The following GPHN variants were observed in gnomAD, a reference collection of about 807,000 sequenced individuals.
GPHN encodes gephyrin.
A neutral mutation model predicts 95.5 loss-of-function variants in GPHN; 17 were observed. That is an observed-to-expected ratio of 0.18 (90% CI 0.12 to 0.27). GPHN has a LOEUF of 0.27. Ranked by LOEUF, GPHN falls within the 10% of genes least tolerant of loss-of-function variation. The probability of loss-of-function intolerance (pLI) is 1.00; values close to 1 mark genes in which losing one functional copy is unlikely to be tolerated. For synonymous variants in GPHN, 320 were observed against 322.5 expected, an observed-to-expected ratio of 0.99 and a Z score of 0.08; for missense variants, 660 against 978.1, an observed-to-expected ratio of 0.67 and a Z score of 4.34.
the GPHN span, among the ~76,000 whole-genome samples, chr14:67,505,746 G>C: frequency 6.6e-6 from 1 of 150,712 alleles, no homozygotes; most frequent in African/African-American, 2.4e-5. Context: ...TTGCTCTGTT[G>C]CCCAGGCTGG....
At chr14:67,110,044 GTTTA>G (rs1567344792) in intron 13 of GPHN, 92 bp from the exon 14 acceptor site, 5 of 1,082,766 alleles carry the variant, frequency 4.6e-6, no homozygotes, top group Non-Finnish European at 7.0e-6. Flanking sequence ...TTCTTTTATG[GTTTA>G]TTTTTTAATA....
At chr14:66,651,603 A>G (rs557204764) in intron 1 of GPHN, among the ~76,000 whole-genome samples, 2 of 152,264 alleles carry the variant, frequency 1.3e-5, no homozygotes, top group South Asian at 4.1e-4. Context: ...TTGACTTCAA[A>G]TTATGGTGGC....
the GPHN span, chr14:67,561,957 G>C: frequency 3.1e-6 from 5 of 1,612,182 alleles, no homozygotes; most frequent in South Asian, 5.5e-5. Context: ...TGCTCAGCTT[G>C]AGATGGAGAA....
chr14:66,683,361 T>TGA (rs1332431980), intron 2 of GPHN, among the ~76,000 whole-genome samples: 1 of 84,960 alleles, frequency 1.2e-5, no homozygotes, highest in Non-Finnish European at 2.1e-5. Context: ...TATATATATA[T>TGA]ATATATATAT....
chr14:66,608,409 T>G (rs2062640715), intron 1 of GPHN, among the ~76,000 whole-genome samples: 2 of 152,052 alleles, frequency 1.3e-5, no homozygotes, highest in Admixed American at 6.6e-5. Flanking sequence ...ACCAAAACAT[T>G]TGGTTGATCT....
chr14:66,596,275 A>G (rs982392565), intron 1 of GPHN, among the ~76,000 whole-genome samples: 2 of 152,034 alleles, frequency 1.3e-5, no homozygotes, highest in African/African-American at 4.8e-5. Context: ...AAGCACCAGA[A>G]GTTCTCCCTC....
chr14:67,309,582 T>C, the GPHN span, among the ~76,000 whole-genome samples: 1 of 152,188 alleles, frequency 6.6e-6, no homozygotes, highest in Admixed American at 6.5e-5. Flanking sequence ...AGTTAAGGGA[T>C]GAGAACTGCA....
At chr14:67,323,746 C>T in the GPHN span, 2 of 1,603,580 alleles carry the variant, frequency 1.2e-6, no homozygotes, top group Non-Finnish European at 8.5e-7. Flanking sequence ...CATATATTAT[C>T]TTCATTGCAC....
intron 11 of GPHN, among the ~76,000 whole-genome samples, chr14:67,077,340 A>T (rs1662086189): frequency 6.6e-6 from 1 of 152,188 alleles, no homozygotes; most frequent in South Asian, 2.1e-4. Context: ...TCCCGAGCAC[A>T]TGTAAGGTTA....
At chr14:67,433,555 G>T in the GPHN span, among the ~76,000 whole-genome samples, 1 of 151,922 alleles carries the variant, frequency 6.6e-6, no homozygotes, top group Non-Finnish European at 1.5e-5. Flanking sequence ...CAAATGAGAC[G>T]CATCCTATAA....
chr14:66,560,362 C>T (rs1457977555), intron 1 of GPHN, among the ~76,000 whole-genome samples: 1 of 152,126 alleles, frequency 6.6e-6, no homozygotes, highest in Non-Finnish European at 1.5e-5. Flanking sequence ...TTGATTCTTC[C>T]TACCCATGAG....
chr14:67,051,510 A>G (rs1331518293), intron 10 of GPHN, among the ~76,000 whole-genome samples: 1 of 152,208 alleles, frequency 6.6e-6, no homozygotes, highest in Non-Finnish European at 1.5e-5. Flanking sequence ...GAGATGGGAG[A>G]ATGGAACCAA....
intron 9 of GPHN, among the ~76,000 whole-genome samples, chr14:66,968,465 A>G (rs8016725): frequency 0.16 from 24,379 of 152,082 alleles, 3,787 homozygotes; most frequent in East Asian, 0.45. Flanking sequence ...CAAATCCCAT[A>G]GAAATCCTTT....
At chr14:67,104,219 A>C (rs1697929578) in intron 13 of GPHN, among the ~76,000 whole-genome samples, 1 of 152,180 alleles carries the variant, frequency 6.6e-6, no homozygotes, top group Non-Finnish European at 1.5e-5. Flanking sequence ...AGTAAATCCC[A>C]CTTGATCATG....
chr14:66,862,842 A>T (rs942429104), intron 4 of GPHN, among the ~76,000 whole-genome samples: 4 of 152,150 alleles, frequency 2.6e-5, no homozygotes, highest in Non-Finnish European at 4.4e-5. Flanking sequence ...AATAAGAGCT[A>T]TATGCAGCAG....
At chr14:67,621,674 A>G in the GPHN span, among the ~76,000 whole-genome samples, 788 of 151,526 alleles carry the variant, frequency 5.2e-3, 7 homozygotes, top group African/African-American at 0.019. Flanking sequence ...TGAACTCCTG[A>G]CCTCAGGTGA....
the GPHN span, among the ~76,000 whole-genome samples, chr14:67,233,561 C>T: frequency 2.0e-5 from 3 of 152,304 alleles, no homozygotes; most frequent in East Asian, 5.8e-4. Flanking sequence ...TTAGCACTAC[C>T]TCCTATATCT....
chr14:67,658,910 G>C, the GPHN span, among the ~76,000 whole-genome samples: 2 of 152,188 alleles, frequency 1.3e-5, no homozygotes, highest in Non-Finnish European at 2.9e-5. Flanking sequence ...CGTGAAACAG[G>C]ATTTGTTTAA....
the GPHN span, among the ~76,000 whole-genome samples, chr14:67,388,475 T>C: frequency 6.6e-6 from 1 of 152,190 alleles, no homozygotes; most frequent in South Asian, 2.1e-4. Flanking sequence ...TAAGGAAGCT[T>C]GGGCCTCTTC....
Sources: allele counts gnomAD v4.1 joint callset (sites outside exome capture counted in the v4.1 genomes callset), GRCh38; gene constraint gnomAD v4.1.1; transcripts MANE v1.5; gene names NCBI Gene and HGNC (gene_info 2026-07-23, HGNC 2026-07-21).